The following HOMER2 variants were observed in gnomAD, a reference collection of about 807,000 sequenced individuals.
The protein encoded by HOMER2 is homer protein homolog 2.
In HOMER2, 27 loss-of-function variants were observed where a neutral mutation model predicts 47.0. The observed-to-expected ratio is 0.57, with a 90% CI of 0.42 to 0.79. The LOEUF (loss-of-function observed/expected upper bound fraction) is 0.79, where lower values mean the gene tolerates loss of function less well. HOMER2 is among the 30% of genes least tolerant of loss of function. The pLI is 0.00. For synonymous variants in HOMER2, 161 were observed against 163.8 expected, an observed-to-expected ratio of 0.98 and a Z score of 0.13; for missense variants, 443 against 435.0, an observed-to-expected ratio of 1.02 and a Z score of -0.16.
At chr15:82,896,430 C>A (rs148794141) in intron 1 of HOMER2, among the ~76,000 whole-genome samples, 1 of 152,234 alleles carries the variant, frequency 6.6e-6, no homozygotes, top group Non-Finnish European at 1.5e-5. Flanking sequence ...TCTGCCTGCT[C>A]AGCTCTGTGG....
chr15:82,960,675 A>G (rs2054623379), intron 1 of HOMER2, among the ~76,000 whole-genome samples: 3 of 152,218 alleles, frequency 2.0e-5, no homozygotes, highest in Admixed American at 2.0e-4. Context: ...TATTTACTGA[A>G]CACCTACTAT....
intron 2 of HOMER2, among the ~76,000 whole-genome samples, chr15:82,876,415 G>C (rs1056524207): frequency 6.6e-6 from 1 of 152,142 alleles, no homozygotes; most frequent in Non-Finnish European, 1.5e-5. Context: ...CAAGGTTCCT[G>C]GTCTTTCAAT....
intron 1 of HOMER2, among the ~76,000 whole-genome samples, chr15:82,973,237 T>C (rs2030071286): frequency 6.6e-6 from 1 of 152,206 alleles, no homozygotes; most frequent in Non-Finnish European, 1.5e-5. Context: ...CCAGCTCCTA[T>C]GTCTCAGAAA....
rs563344481 is a variant in HOMER2 at position 82,865,831 on chromosome 15, A to G, written c.295-1572T>C. Among the ~76,000 whole-genome samples the G allele has an allele frequency of 3.9e-5, 6 of 152,344 alleles. No individual in the cohort carries two copies. The South Asian group carries it at 1.2e-3, about 32-fold the overall frequency. On this transcript the variant is annotated intron_variant, in intron 3 of 8. Transcript: ENST00000450735. ...TGGGCCTGCAGGTACACAGAAGTCAAGAATTGAGGTTTGGGAACCTCTGCC... is the reference window on the plus strand; with the variant it reads ...TGGGCCTGCAGGTACACAGAAGTCAGGAATTGAGGTTTGGGAACCTCTGCC...
At chr15:82,973,983 T>C (rs1457688394) in intron 1 of HOMER2, among the ~76,000 whole-genome samples, 1 of 151,978 alleles carries the variant, frequency 6.6e-6, no homozygotes, top group African/African-American at 2.4e-5. Context: ...GGAGAATCAC[T>C]TGAGCCCAGG....
intron 3 of HOMER2, among the ~76,000 whole-genome samples, chr15:82,864,616 T>C (rs543478711): frequency 3.9e-5 from 6 of 152,324 alleles, no homozygotes; most frequent in African/African-American, 1.4e-4. Context: ...TTTTTCTAGA[T>C]GAATACTAAG....
intron 1 of HOMER2, among the ~76,000 whole-genome samples, chr15:82,929,706 C>T (rs2151192446): frequency 6.6e-6 from 1 of 150,958 alleles, no homozygotes; most frequent in Admixed American, 6.6e-5. Context: ...TAGCCTCCAC[C>T]CTGTTACAGG....
At chr15:82,884,942 G>A (rs1300187115) in intron 2 of HOMER2, among the ~76,000 whole-genome samples, 1 of 9,130 alleles carries the variant, frequency 1.1e-4, no homozygotes, top group Admixed American at 1.4e-3. Flanking sequence ...GAATAGGAGC[G>A]GTGAGAGAGG....
At chr15:82,872,153 G>T (rs1013769673) in intron 3 of HOMER2, among the ~76,000 whole-genome samples, 3 of 152,152 alleles carry the variant, frequency 2.0e-5, no homozygotes, top group African/African-American at 7.2e-5. Context: ...TCCTCACCAA[G>T]GACCACTTCA....
chr15:82,919,189 C>T (rs1310809397), intron 1 of HOMER2, among the ~76,000 whole-genome samples: 1 of 152,178 alleles, frequency 6.6e-6, no homozygotes, highest in Non-Finnish European at 1.5e-5. Flanking sequence ...ACCAATAGCC[C>T]CTCTGTGCTT....
chr15:82,868,516 A>AT (rs1596312788), intron 3 of HOMER2, among the ~76,000 whole-genome samples: 2 of 37,254 alleles, frequency 5.4e-5, no homozygotes, highest in South Asian at 1.7e-3. Flanking sequence ...TATATCACTT[A>AT]TTTATTTTAT....
upstream of HOMER2, among the ~76,000 whole-genome samples, chr15:82,955,165 CTTTTTCTTTTTT>C (rs1247654236): frequency 2.0e-5 from 3 of 147,272 alleles, no homozygotes; most frequent in Admixed American, 6.7e-5. Context: ...CTTTCTTTTT[CTTTTTCTTTTTT>C]TTTTTTTTTT....
intron 1 of HOMER2, among the ~76,000 whole-genome samples, chr15:82,961,191 C>G (rs990103241): frequency 2.6e-5 from 4 of 152,338 alleles, no homozygotes; most frequent in Admixed American, 2.6e-4. Context: ...CACTTGGAAT[C>G]AAGACAATAC....
At chr15:82,944,738 C>T (rs772591058) in intron 1 of HOMER2, among the ~76,000 whole-genome samples, 9 of 151,252 alleles carry the variant, frequency 6.0e-5, no homozygotes, top group African/African-American at 1.5e-4. Context: ...GATTTGCCCA[C>T]GGTTTTTTTT....
intron 7 of HOMER2, among the ~76,000 whole-genome samples, 169 bp downstream of exon 7, chr15:82,851,973 A>G (rs1307978606): frequency 6.6e-6 from 1 of 152,156 alleles, no homozygotes; most frequent in East Asian, 1.9e-4. Context: ...GGTCATGGGG[A>G]GGCCTTTGCT....
intron 1 of HOMER2, among the ~76,000 whole-genome samples, chr15:82,894,252 T>C (rs2052827172): frequency 1.3e-5 from 2 of 152,206 alleles, no homozygotes; most frequent in African/African-American, 4.8e-5. Context: ...AAAATTGTAA[T>C]GGATTTCACT....
intron 1 of HOMER2, among the ~76,000 whole-genome samples, chr15:82,937,439 C>G (rs1011794927): frequency 6.6e-6 from 1 of 152,140 alleles, no homozygotes; most frequent in African/African-American, 2.4e-5. Flanking sequence ...ATGAGACACA[C>G]GTTAAGTCAG....
chr15:82,925,539 C>T (rs1451626997), intron 1 of HOMER2, among the ~76,000 whole-genome samples: 1 of 152,166 alleles, frequency 6.6e-6, no homozygotes, highest in Non-Finnish European at 1.5e-5. Context: ...TTGGGAAATC[C>T]TCTTTCTCTC....
downstream of HOMER2, among the ~76,000 whole-genome samples, chr15:82,836,684 T>G (rs1567002984): frequency 6.6e-6 from 1 of 152,114 alleles, no homozygotes; most frequent in Non-Finnish European, 1.5e-5. Context: ...TGTCCTGGAG[T>G]GAAAAGCATT....
Sources: allele counts gnomAD v4.1 joint callset (sites outside exome capture counted in the v4.1 genomes callset), GRCh38; gene constraint gnomAD v4.1.1; transcripts MANE v1.5; gene names NCBI Gene and HGNC (gene_info 2026-07-23, HGNC 2026-07-21).